CBLB: variants seen among roughly 807,000 people sequenced by gnomAD.
The protein encoded by CBLB is Cbl proto-oncogene B, also known as E3 ubiquitin-protein ligase CBL-B.
CBLB carries 31 observed loss-of-function variants against 104.9 expected under a neutral mutation model. The ratio of observed to expected loss-of-function variants is 0.30; its 90% confidence interval spans 0.22 to 0.40. CBLB has a LOEUF of 0.40. CBLB is among the 10% of genes least tolerant of loss of function. The pLI, the probability that CBLB is intolerant of heterozygous loss-of-function variation, is 1.00. For missense variants in CBLB, 1,062 were observed against 1,214.6 expected, an observed-to-expected ratio of 0.87 and a Z score of 1.87; for synonymous variants, 440 against 422.6, an observed-to-expected ratio of 1.04 and a Z score of -0.51.
intron 13 of CBLB, 24 bp from the exon 14 acceptor site, chr3:105,685,490 T>A (rs763076942): frequency 1.1e-5 from 18 of 1,603,658 alleles, no homozygotes; most frequent in Non-Finnish European, 1.5e-5. Context: ...AAAAATCCAA[T>A]CTAGTTTAAG....
At position 105,693,608 on chromosome 3, in the gene CBLB, TTA is replaced by T; in HGVS notation, c.1960-22_1960-21del. The T allele has an allele frequency of 6.4e-7, 1 of 1,559,212 alleles. No homozygotes were observed. The highest frequency in any genetic ancestry group is 8.8e-7 in the Non-Finnish European group (1 of 1,131,358). ...AAAGACCTGAAAGTAAATCAAATTG[TTA>T]GTTTCCAAGAATTTAACTTCTGAAG... On this transcript the variant is annotated intron_variant, in intron 12 of 18. Coordinates refer to ENST00000394030, the MANE Select transcript of CBLB (RefSeq NM_170662.5).
Position 105,709,722 on chromosome 3 carries a change from G to A in CBLB, c.1408-5549C>T, listed in dbSNP as rs76971310. ...CATAAAGAAATCTTTAACCATATAT[G>A]TGCTAGTTTTTAAGGAAAGAATCAT... is the stretch of plus-strand genomic sequence containing the variant. On this transcript the variant is annotated intron_variant, in intron 10 of 18. Coordinates refer to ENST00000394030, the MANE Select transcript of CBLB (RefSeq NM_170662.5). Among the ~76,000 whole-genome samples, 579 of 151,926 alleles carry A rather than the reference G, an allele frequency of 3.8e-3. 3 individuals carry two copies. Among genetic ancestry groups the A allele is most frequent in the Non-Finnish European group, 5.9e-3 (400 of 67,790 alleles).
chr3:105,751,396 G>GAA lies in CBLB; in HGVS notation c.723+64_723+65dup, dbSNP rs2076579337. 1.2e-5 allele frequency: 13 copies of GAA among 1,122,390 alleles called. No individual in the cohort carries two copies. The East Asian group carries it at 3.2e-4, about 28-fold the overall frequency. 69.5% of individuals were successfully genotyped at this position (1,122,390 alleles called of 1,614,324 possible). ...TGTGAGAGAGAGACAGAGAGAGAGA[G>GAA]AAACAGAGAGAAAAGACAGGGAGAG... On this transcript the variant is annotated intron_variant, in intron 5 of 18. Transcript: ENST00000394030.
At chr3:105,713,967 T>C (rs542701238) in intron 10 of CBLB, among the ~76,000 whole-genome samples, 54 of 152,330 alleles carry the variant, frequency 3.5e-4, no homozygotes, top group Admixed American at 1.2e-3. Context: ...AGTGTCCCCA[T>C]ATATTACTGA....
At chr3:105,856,959 T>C (rs1441519618) in intron 2 of CBLB, among the ~76,000 whole-genome samples, 2 of 152,138 alleles carry the variant, frequency 1.3e-5, no homozygotes, top group African/African-American at 2.4e-5. Context: ...AAAAATACTA[T>C]CACAAGTATA....
intron 3 of CBLB, among the ~76,000 whole-genome samples, chr3:105,791,670 T>A (rs1267002593): frequency 2.0e-5 from 3 of 152,162 alleles, no homozygotes; most frequent in Non-Finnish European, 4.4e-5. Context: ...TCCATTAAGT[T>A]TTATGGAGCA....
chr3:105,869,436 T>C, upstream of CBLB: 1 of 1,318,236 alleles, frequency 7.6e-7, no homozygotes, highest in Non-Finnish European at 1.0e-6. Flanking sequence ...TTCCTAGTCT[T>C]TTGTTTCATA....
At chr3:105,688,666 T>C (rs1175827414) in intron 13 of CBLB, among the ~76,000 whole-genome samples, 1 of 152,032 alleles carries the variant, frequency 6.6e-6, no homozygotes, top group Non-Finnish European at 1.5e-5. Context: ...CAGGGAAAAA[T>C]GTCTAACTCA....
At chr3:105,661,665 G>A (rs887834379) in intron 18 of CBLB, among the ~76,000 whole-genome samples, 3 of 152,128 alleles carry the variant, frequency 2.0e-5, no homozygotes, top group Non-Finnish European at 4.4e-5. Context: ...TATACAAGTG[G>A]GATGAATACT....
intron 5 of CBLB, among the ~76,000 whole-genome samples, chr3:105,750,332 T>G (rs920525150): frequency 6.6e-6 from 1 of 152,132 alleles, no homozygotes; most frequent in African/African-American, 2.4e-5. Context: ...AGTCATCCAA[T>G]CCTTGCTAGC....
At chr3:105,789,479 G>T (rs1018136304) in intron 3 of CBLB, among the ~76,000 whole-genome samples, 1 of 152,140 alleles carries the variant, frequency 6.6e-6, no homozygotes. Flanking sequence ...ACCCAGATTT[G>T]AATCAGAAGG....
In CBLB at chr3:105,778,910, G is replaced by T. The variant is rs536497488; in HGVS notation, c.420-2368C>A. On this transcript the variant is annotated intron_variant, in intron 3 of 18. Coordinates refer to ENST00000394030, the MANE Select transcript of CBLB (RefSeq NM_170662.5). Reference sequence around the variant, plus strand: ...TACTATATCAAAGGAAAGACTTGTGGCTCGTACAAACTACAACCGACTTTA... The same window carrying T: ...TACTATATCAAAGGAAAGACTTGTGTCTCGTACAAACTACAACCGACTTTA... Among the ~76,000 whole-genome samples the T allele has an allele frequency of 4.6e-5, 7 of 152,214 alleles. No homozygotes were observed. In the South Asian group the frequency reaches 1.5e-3, roughly 32 times the overall value.
intron 3 of CBLB, among the ~76,000 whole-genome samples, chr3:105,817,981 T>G (rs550068611): frequency 6.6e-6 from 1 of 152,286 alleles, no homozygotes; most frequent in East Asian, 1.9e-4. Context: ...CTAGTGAAAA[T>G]AAACAATTTT....
intron 10 of CBLB, among the ~76,000 whole-genome samples, chr3:105,714,419 G>A (rs969825001): frequency 6.6e-6 from 1 of 152,058 alleles, no homozygotes; most frequent in Admixed American, 6.6e-5. Context: ...AGAATCAGTG[G>A]GAGCCCTGAG....
intron 3 of CBLB, among the ~76,000 whole-genome samples, chr3:105,812,507 A>G (rs1014749669): frequency 1.3e-5 from 2 of 152,348 alleles, no homozygotes; most frequent in East Asian, 3.9e-4. Flanking sequence ...GATACGATCT[A>G]AACAGCAAAA....
chr3:105,669,657 T>G (rs1242811869), intron 18 of CBLB, among the ~76,000 whole-genome samples: 3 of 151,674 alleles, frequency 2.0e-5, no homozygotes, highest in Non-Finnish European at 4.4e-5. Context: ...TGAAGAAAAA[T>G]AAAGCAAAAA....
At chr3:105,764,425 A>G (rs536109930) in intron 4 of CBLB, among the ~76,000 whole-genome samples, 1 of 152,274 alleles carries the variant, frequency 6.6e-6, no homozygotes, top group Admixed American at 6.5e-5. Context: ...CCAGTTTTTC[A>G]GTTTCAAAAC....
intron 3 of CBLB, among the ~76,000 whole-genome samples, chr3:105,833,673 T>C (rs60096352): frequency 1.7e-3 from 264 of 152,056 alleles, no homozygotes; most frequent in African/African-American, 6.2e-3. Context: ...TTCCTTATAA[T>C]TTGAATAATT....
At chr3:105,765,431 G>A (rs2078114084) in intron 4 of CBLB, among the ~76,000 whole-genome samples, 1 of 152,176 alleles carries the variant, frequency 6.6e-6, no homozygotes, top group African/African-American at 2.4e-5. Context: ...AAATTAGGAA[G>A]TGGGTCCTTA....
Sources: gnomAD v4.1 joint callset for allele counts (sites outside exome capture counted in the v4.1 genomes callset) on GRCh38, gnomAD v4.1.1 for gene constraint, MANE v1.5 for transcripts, NCBI Gene and HGNC (gene_info 2026-07-23, HGNC 2026-07-21) for gene names.